The following IL12RB2 variants were observed in gnomAD, a reference collection of about 807,000 sequenced individuals.
The protein encoded by IL12RB2 is interleukin 12 receptor subunit beta 2.
Under a neutral mutation model 89.4 loss-of-function variants are expected in IL12RB2, and 82 were observed. That is an observed-to-expected ratio of 0.92 (90% confidence interval 0.77 to 1.10). The LOEUF is 1.10. IL12RB2 is among the 50% of genes least tolerant of loss of function. The pLI is 0.00. For missense variants in IL12RB2, 963 were observed against 1,031.9 expected, an observed-to-expected ratio of 0.93 and a Z score of 0.92; for synonymous variants, 368 against 370.1, an observed-to-expected ratio of 0.99 and a Z score of 0.07.
At chr1:67,389,627 T>C (rs1238346727) in intron 15 of IL12RB2, among the ~76,000 whole-genome samples, 1 of 152,196 alleles carries the variant, frequency 6.6e-6, no homozygotes, top group Non-Finnish European at 1.5e-5. Context: ...GTTCACATAA[T>C]TTACCTGTCA....
chr1:67,394,465 G>C (rs1666155472), intron 16 of IL12RB2, among the ~76,000 whole-genome samples: 1 of 152,160 alleles, frequency 6.6e-6, no homozygotes, highest in Non-Finnish European at 1.5e-5. Flanking sequence ...AGAATGCTAA[G>C]AGAAAATAAG....
At chr1:67,366,222 C>T (rs527623717) in intron 10 of IL12RB2, among the ~76,000 whole-genome samples, 184 of 152,044 alleles carry the variant, frequency 1.2e-3, no homozygotes, top group Non-Finnish European at 1.8e-3. Context: ...GAGCCCGAGG[C>T]GGGTGGATCA....
chr1:67,329,639 G>A lies in IL12RB2; in HGVS notation c.717G>A (p.Val239=). The part of the protein sequence containing the change: ...DIRIKFQKAS[V]SRCTLYWRDE... ...GAATCAAATTTCAAAAGGCTTCTGT[G>A]AGCAGATGTACCCTTTATTGGAGAG... The change falls in exon 7 of 17, where the codon GTG becomes GTA. Residue 239 remains valine (V), a synonymous_variant. Transcript: ENST00000674203. 6.4e-7 allele frequency: 1 copy of A among 1,564,252 alleles called. No individual in the cohort carries two copies. The highest frequency in any genetic ancestry group is 8.8e-7 in the Non-Finnish European group (1 of 1,134,416).
intron 15 of IL12RB2, among the ~76,000 whole-genome samples, 180 bp from the exon 16 acceptor site, chr1:67,389,849 G>A (rs1248723684): frequency 3.3e-5 from 5 of 152,166 alleles, no homozygotes; most frequent in Non-Finnish European, 5.9e-5. Context: ...AAGTGGCTGT[G>A]TTGTAATTTT....
At position 67,328,482 on chromosome 1, in the gene IL12RB2, T is replaced by G. The variant is rs553921370; in HGVS notation, c.664+98T>G. On this transcript the variant is annotated intron_variant, in intron 6 of 16. Coordinates refer to ENST00000674203, the MANE Select transcript of IL12RB2 (RefSeq NM_001374259.2). ...TTGTTTCAAGAAAGACAGAGATTGA[T>G]GGAAATTGGCCAACAGGCATAAGCA... 6.9e-5 allele frequency: 109 copies of G among 1,590,514 alleles called. No homozygotes were observed. The African/African-American group carries it at 1.4e-3, about 20-fold the overall frequency.
At chr1:67,321,994 T>C in intron 4 of IL12RB2, 105 bp downstream of exon 4, 1 of 972,824 alleles carries the variant, frequency 1.0e-6, no homozygotes, top group Non-Finnish European at 1.7e-6. Flanking sequence ...TAATGTTCTT[T>C]CTTTTCCCAC....
intron 10 of IL12RB2, among the ~76,000 whole-genome samples, chr1:67,355,173 G>A (rs1242279979): frequency 1.3e-5 from 2 of 152,158 alleles, no homozygotes; most frequent in Non-Finnish European, 2.9e-5. Context: ...CAGGACTTTG[G>A]GAGGCCGAGG....
intron 2 of IL12RB2, 117 bp from the exon 3 acceptor site, chr1:67,320,216 A>T: frequency 6.7e-7 from 1 of 1,482,222 alleles, no homozygotes; most frequent in South Asian, 1.2e-5. Flanking sequence ...TTTTAAAATA[A>T]CAAGATCTCA....
At chr1:67,373,761 G>T (rs1404471010) in intron 13 of IL12RB2, among the ~76,000 whole-genome samples, 1 of 152,090 alleles carries the variant, frequency 6.6e-6, no homozygotes, top group African/African-American at 2.4e-5. Flanking sequence ...AGGAACATTT[G>T]TCATAAAGAA....
intron 2 of IL12RB2, among the ~76,000 whole-genome samples, chr1:67,314,585 C>T (rs1655517256): frequency 6.6e-6 from 1 of 152,136 alleles, no homozygotes; most frequent in African/African-American, 2.4e-5. Flanking sequence ...CACTATTTCC[C>T]TTGACCTTAA....
intron 9 of IL12RB2, among the ~76,000 whole-genome samples, chr1:67,344,454 G>A (rs1290212481): frequency 1.3e-5 from 2 of 151,982 alleles, no homozygotes; most frequent in Admixed American, 6.6e-5. Context: ...CACCATGCCT[G>A]GCTAATTTTT....
At chr1:67,365,049 A>C (rs894210506) in intron 10 of IL12RB2, among the ~76,000 whole-genome samples, 1 of 152,264 alleles carries the variant, frequency 6.6e-6, no homozygotes, top group Non-Finnish European at 1.5e-5. Flanking sequence ...CACACTTCTA[A>C]ATAACACATT....
intron 10 of IL12RB2, among the ~76,000 whole-genome samples, chr1:67,354,064 T>G (rs143071564): frequency 0.018 from 2,667 of 152,258 alleles, 30 homozygotes; most frequent in Admixed American, 0.033. Flanking sequence ...CAACTTATAT[T>G]TAGCCAAGGG....
At chr1:67,346,276 T>C (rs1660210720) in intron 9 of IL12RB2, among the ~76,000 whole-genome samples, 1 of 152,086 alleles carries the variant, frequency 6.6e-6, no homozygotes, top group Admixed American at 6.6e-5. Context: ...GTTATTGTTA[T>C]GAGGCAAACA....
At chr1:67,333,913 T>C (rs952854853) in intron 8 of IL12RB2, among the ~76,000 whole-genome samples, 1 of 152,238 alleles carries the variant, frequency 6.6e-6, no homozygotes, top group African/African-American at 2.4e-5. Flanking sequence ...AATATGTCTC[T>C]GTCTGTTAAT....
chr1:67,312,563 T>C (rs1187612647), intron 1 of IL12RB2, among the ~76,000 whole-genome samples: 1 of 151,662 alleles, frequency 6.6e-6, no homozygotes, highest in African/African-American at 2.4e-5. Context: ...AGGAGTCTAT[T>C]ATGTCAAATG....
At chr1:67,344,732 G>GT (rs1458716145) in intron 9 of IL12RB2, among the ~76,000 whole-genome samples, 1 of 152,184 alleles carries the variant, frequency 6.6e-6, no homozygotes, top group Non-Finnish European at 1.5e-5. Flanking sequence ...CTAAGTGCCA[G>GT]TATGGGCACA....
At chr1:67,326,675 A>T in intron 4 of IL12RB2, 60 bp from the exon 5 acceptor site, 2 of 1,592,312 alleles carry the variant, frequency 1.3e-6, no homozygotes, top group Non-Finnish European at 1.7e-6. Flanking sequence ...GGCAGATAAT[A>T]ACAATTCGGT....
intron 11 of IL12RB2, among the ~76,000 whole-genome samples, chr1:67,369,523 C>A (rs1365809779): frequency 2.0e-5 from 3 of 152,144 alleles, no homozygotes; most frequent in Admixed American, 6.6e-5. Flanking sequence ...TGCAGTAGAA[C>A]CAGTTTTCTT....
Sources: gnomAD v4.1 joint callset for allele counts (sites outside exome capture counted in the v4.1 genomes callset) on GRCh38, gnomAD v4.1.1 for gene constraint, MANE v1.5 for transcripts, NCBI Gene and HGNC (gene_info 2026-07-23, HGNC 2026-07-21) for gene names.